Variants in INHBA observed in about 807,000 individuals in gnomAD.
The protein encoded by INHBA is inhibin beta A chain.
Under a neutral mutation model 29.0 loss-of-function variants are expected in INHBA, and 1 was observed. The ratio of observed to expected loss-of-function variants is 0.03; its 90% CI spans 0.01 to 0.16. The LOEUF (loss-of-function observed/expected upper bound fraction) is 0.16, where lower values mean the gene tolerates loss of function less well. INHBA is among the 10% of genes least tolerant of loss of function. The pLI is 1.00. For synonymous variants in INHBA, 242 were observed against 216.8 expected (o/e 1.12, Z -1.02); for missense variants, 376 against 545.4 (o/e 0.69, Z 3.09).
chr7:41,700,298 G>A lies in INHBA; in HGVS notation c.77C>T (p.Ser26Phe), dbSNP rs755619740. The change falls in exon 2 of 3, where the codon TCC becomes TTC. Residue 26 changes from serine to phenylalanine, a missense_variant. Physicochemically the swap from Ser to Phe is radical, Grantham distance 155. Around this residue, in one of 4 missense-constraint regions of INHBA, gnomAD observed 71 missense variants for 77.0 expected, o/e 0.92. Coordinates refer to ENST00000242208, the MANE Select transcript of INHBA (RefSeq NM_002192.4). The part of the protein sequence containing the change: ...IIVRSSPTPG[S>F]EGHSAAPDCP... ...GTCGGGGGCCGCGCTGTGCCCCTCG[G>A]ATCCTGGGGTGGGGGAACTCCTCAC... The A allele has an allele frequency of 4.4e-6, 7 of 1,580,366 alleles. No individual in the cohort carries two copies. The highest frequency in any genetic ancestry group is 6.0e-6 in the Non-Finnish European group (7 of 1,161,482).
chr7:41,689,134 G>A lies in INHBA; in HGVS notation c.*516C>T. ...TGTGTGTGTGTGTGTGTGTGTGTGT[G>A]TGTATGCTGATATACACAGAGATAA... On this transcript the variant is annotated 3_prime_UTR_variant, in exon 3 of 3. Transcript: ENST00000242208. 1 of 232,224 alleles carries A rather than the reference G, an allele frequency of 4.3e-6. No homozygotes were observed. The highest frequency in any genetic ancestry group is 8.5e-6 in the Non-Finnish European group (1 of 117,840). The allele number at this position is 232,224 out of a possible 1,614,324, so 14.4% of individuals were successfully genotyped here.
In INHBA at chr7:41,686,560, A is replaced by C. The variant is rs1284356858; in HGVS notation, c.*3090T>G. ...TAAAATACTATCTTTCAATGTTATCAAAAAATGGTAGCAACTTATACTTCT... is the reference window on the plus strand; with the variant it reads ...TAAAATACTATCTTTCAATGTTATCCAAAAATGGTAGCAACTTATACTTCT... On this transcript the variant is annotated 3_prime_UTR_variant, in exon 3 of 3. Transcript: ENST00000242208. The C allele has an allele frequency of 1.3e-5, 2 of 152,184 alleles. No homozygotes were observed. The highest frequency in any genetic ancestry group is 2.9e-5 in the Non-Finnish European group (2 of 68,018). The allele number at this position is 152,184 out of a possible 1,614,324, so 9.4% of individuals were successfully genotyped here.
chr7:41,690,226 C>T lies in INHBA; in HGVS notation c.705G>A (p.Lys235=). 6.2e-7 allele frequency: 1 copy of T among 1,614,044 alleles called. No homozygotes were observed. The highest frequency in any genetic ancestry group is 8.5e-7 in the Non-Finnish European group (1 of 1,180,018). The part of the protein sequence containing the change: ...SSIQRLLDQG[K]SSLDVRIACE... The stretch of plus-strand genomic sequence containing the variant: ...AGGCAATCCGAACGTCCAGGGAGCT[C>T]TTGCCCTGGTCCAGCAACCGCTGGA... The change falls in exon 3 of 3, where the codon AAG becomes AAA. Residue 235 remains lysine, a synonymous_variant. Coordinates refer to ENST00000242208, the MANE Select transcript of INHBA (RefSeq NM_002192.4).
chr7:41,700,117 C>A lies in INHBA; in HGVS notation c.258G>T (p.Ala86=). The A allele has an allele frequency of 3.7e-6, 6 of 1,614,100 alleles. No homozygotes were observed. Among genetic ancestry groups the A allele is most frequent in the East Asian group, 2.2e-5 (1 of 44,870 alleles). ...CTTTGCCCACATGAAGCTTTCTGATCGCGTTCAGAAGCGCCGCCTTGGGTA... is the reference window on the plus strand; with the variant it reads ...CTTTGCCCACATGAAGCTTTCTGATAGCGTTCAGAAGCGCCGCCTTGGGTA... The part of the protein sequence containing the change: ...QPVPKAALLN[A]IRKLHVGKVG... Residue 86 remains alanine, a synonymous_variant, in exon 2 of 3, where the codon GCG becomes GCT. Transcript: ENST00000242208.
At chr7:41,693,936 AT>A (rs1295911290) in intron 2 of INHBA, 1 of 152,084 alleles carries the variant, frequency 6.6e-6, no homozygotes, top group Admixed American at 6.6e-5. Context: ...CCTGGTGTCC[AT>A]TTCTGGAACT....
chr7:41,692,750 A>G (rs917046206), intron 2 of INHBA, among the ~76,000 whole-genome samples: 1 of 152,214 alleles, frequency 6.6e-6, no homozygotes, highest in African/African-American at 2.4e-5. Flanking sequence ...TTATTTTAGG[A>G]AGCATGATGA....
intron 2 of INHBA, among the ~76,000 whole-genome samples, chr7:41,696,597 CAA>C (rs1049665549): frequency 6.6e-5 from 10 of 151,998 alleles, no homozygotes; most frequent in African/African-American, 2.4e-4. Flanking sequence ...TGACAAGGAG[CAA>C]AAGTCTTTGG....
At position 41,700,268 on chromosome 7, in the gene INHBA, G is replaced by C. The variant is rs201591674; in HGVS notation, c.107C>G (p.Pro36Arg). 6 of 1,606,058 alleles carry C rather than the reference G, an allele frequency of 3.7e-6. No homozygotes were observed. In the East Asian group the frequency reaches 6.7e-5, roughly 18 times the overall value. Residue 36 changes from proline (P) to arginine (R), a missense_variant, in exon 2 of 3, where the codon CCG becomes CGG. By Grantham distance (103) the Pro-to-Arg change is moderately radical. This residue lies in a region of INHBA where 71 missense variants were observed against 77.0 expected (regional missense o/e 0.92). Transcript: ENST00000242208. The stretch of plus-strand genomic sequence containing the variant: ...TGGGAGGGCGGCCAGCGCACAGGAC[G>C]GACAGTCGGGGGCCGCGCTGTGCCC... ...SEGHSAAPDC[P>R]SCALAALPKD... is the part of the protein sequence containing the mutation.
rs1397998688 is a variant in INHBA at position 41,700,394 on chromosome 7, G to A, written c.-20C>T. 1 of 1,419,580 alleles carries A rather than the reference G, an allele frequency of 7.0e-7. No individual in the cohort carries two copies. The highest frequency in any genetic ancestry group is 1.8e-5 in the South Asian group (1 of 55,198). 87.9% of individuals were successfully genotyped at this position (1,419,580 alleles called of 1,614,324 possible). A position where few individuals can be genotyped will look rare whatever the true frequency, so the allele number is the denominator to read the frequency against. Reference sequence around the variant, plus strand: ...GGGCATCCTGGCAGCAAAAGTTGTTGTGATTGCCTTTTTAAAAGGCCCTGC... The same window carrying A: ...GGGCATCCTGGCAGCAAAAGTTGTTATGATTGCCTTTTTAAAAGGCCCTGC... On this transcript the variant is annotated 5_prime_UTR_variant, in exon 2 of 3. Transcript: ENST00000242208.
chr7:41,695,904 G>A (rs1333072836), intron 2 of INHBA, among the ~76,000 whole-genome samples: 2 of 152,138 alleles, frequency 1.3e-5, no homozygotes, highest in African/African-American at 2.4e-5. Context: ...ACAAATATGT[G>A]TTTTCAAGAA....
chr7:41,690,112 G>A lies in INHBA; in HGVS notation c.819C>T (p.Gly273=), dbSNP rs533331761. 6 of 1,613,336 alleles carry A rather than the reference G, an allele frequency of 3.7e-6. No individual in the cohort carries two copies. The Admixed American group carries it at 6.7e-5, about 18-fold the overall frequency. Residue 273 remains glycine, a synonymous_variant, in exon 3 of 3, where the codon GGC becomes GGT. Coordinates refer to ENST00000242208, the MANE Select transcript of INHBA (RefSeq NM_002192.4). ...KEEEGEGKKK[G]GGEGGAGADE... ...CTGCTCCTGCCCCACCTTCACCTCC[G>A]CCCTTCTTTTTCCCTTCCCCCTCCT...
chr7:41,685,121 C>T lies in INHBA; in HGVS notation c.*4529G>A, dbSNP rs1794371592. 6.6e-6 allele frequency: 1 copy of T among 151,990 alleles called. No homozygotes were observed. Among genetic ancestry groups the T allele is most frequent in the South Asian group, 2.1e-4 (1 of 4,826 alleles). The allele number at this position is 151,990 out of a possible 1,614,324, so 9.4% of individuals were successfully genotyped here. ...AAAAATAAAAATAAAAAATACATCC[C>T]AAACAGGTCTTTTTATTTAACATAA... On this transcript the variant is annotated 3_prime_UTR_variant, in exon 3 of 3. Transcript: ENST00000242208.
chr7:41,691,636 A>G (rs1794527231), intron 2 of INHBA: 1 of 152,048 alleles, frequency 6.6e-6, no homozygotes, highest in Admixed American at 6.6e-5. Context: ...TACCACCCTT[A>G]GTGCTGCCTT....
chr7:41,693,520 G>A (rs572700986), intron 2 of INHBA, among the ~76,000 whole-genome samples: 1 of 152,300 alleles, frequency 6.6e-6, no homozygotes, highest in African/African-American at 2.4e-5. Flanking sequence ...CAGCCTACAG[G>A]ACAGCCCCTG....
rs374546306 is a variant in INHBA at position 41,688,963 on chromosome 7, T to C, written c.*687A>G. On this transcript the variant is annotated 3_prime_UTR_variant, in exon 3 of 3. Coordinates refer to ENST00000242208, the MANE Select transcript of INHBA (RefSeq NM_002192.4). ...TATTCTTTTTTCCTTGATCTTTCAT[T>C]CTTTCCATACTTGTTCTCAATTTTT... is the stretch of plus-strand genomic sequence containing the variant. 7 of 232,526 alleles carry C rather than the reference T, an allele frequency of 3.0e-5. No homozygotes were observed. The South Asian group carries it at 5.4e-4, about 18-fold the overall frequency. 14.4% of individuals were successfully genotyped at this position (232,526 alleles called of 1,614,324 possible).
At position 41,700,378 on chromosome 7, in the gene INHBA, G is replaced by A; in HGVS notation, c.-4C>T. ...CTCTCAGCCAAAGCAAGGGCATCCTGGCAGCAAAAGTTGTTGTGATTGCCT... is the reference window on the plus strand; with the variant it reads ...CTCTCAGCCAAAGCAAGGGCATCCTAGCAGCAAAAGTTGTTGTGATTGCCT... On this transcript the variant is annotated 5_prime_UTR_variant, in exon 2 of 3. Transcript: ENST00000242208. 1 of 1,449,662 alleles carries A rather than the reference G, an allele frequency of 6.9e-7. No homozygotes were observed. The allele number at this position is 1,449,662 out of a possible 1,614,324, so 89.8% of individuals were successfully genotyped here. A position where few individuals can be genotyped will look rare whatever the true frequency, so the allele number is the denominator to read the frequency against.
At position 41,700,277 on chromosome 7, in the gene INHBA, G is replaced by T; in HGVS notation, c.98C>A (p.Pro33His). 1.2e-6 allele frequency: 2 copies of T among 1,600,250 alleles called. No homozygotes were observed. Among genetic ancestry groups the T allele is most frequent in the Non-Finnish European group, 1.7e-6 (2 of 1,171,506 alleles). The change falls in exon 2 of 3, where the codon CCC (proline) becomes CAC (histidine). Residue 33 changes from proline to histidine, a missense_variant. Coordinates refer to ENST00000242208, the MANE Select transcript of INHBA (RefSeq NM_002192.4). ...GGCCAGCGCACAGGACGGACAGTCG[G>T]GGGCCGCGCTGTGCCCCTCGGATCC... ...TPGSEGHSAA[P>H]DCPSCALAAL...
At chr7:41,694,560 T>C (rs1794598076) in intron 2 of INHBA, among the ~76,000 whole-genome samples, 1 of 152,226 alleles carries the variant, frequency 6.6e-6, no homozygotes, top group African/African-American at 2.4e-5. Context: ...CGACCTAGGT[T>C]CCTGCACTAT....
At chr7:41,703,621 G>C (rs149959634), upstream of INHBA, among the ~76,000 whole-genome samples, 5 of 152,014 alleles carry the variant, frequency 3.3e-5, no homozygotes, top group Non-Finnish European at 7.4e-5. Flanking sequence ...GGTCTCCCCC[G>C]ACCCCAACCA....
Sources: allele counts gnomAD v4.1 joint callset (sites outside exome capture counted in the v4.1 genomes callset), GRCh38; gene constraint gnomAD v4.1.1; regional missense constraint gnomAD v4.1.1; transcripts MANE v1.5; gene names NCBI Gene and HGNC (gene_info 2026-07-23, HGNC 2026-07-21).